PTPN21: variants seen among roughly 807,000 people sequenced by gnomAD.
The protein encoded by PTPN21 is protein tyrosine phosphatase non-receptor type 21.
Under a neutral mutation model 131.8 loss-of-function variants are expected in PTPN21, and 77 were observed. That is an observed-to-expected ratio of 0.58 (90% confidence interval 0.49 to 0.71). The LOEUF is 0.71. Ranked by LOEUF, PTPN21 falls within the 30% of genes least tolerant of loss-of-function variation. The pLI is 0.00. For synonymous variants in PTPN21, 715 were observed against 621.3 expected, an observed-to-expected ratio of 1.15 and a Z score of -2.24; for missense variants, 1,552 against 1,527.1, an observed-to-expected ratio of 1.02 and a Z score of -0.27.
rs1172099704 is a variant in PTPN21, at chr14:88,518,226, C to CAAA, written c.181-968_181-966dup. On this transcript the variant is annotated intron_variant, in intron 2 of 18. Coordinates refer to ENST00000556564, the MANE Select transcript of PTPN21 (RefSeq NM_007039.4). ...TGGGCAACAGAGTGAGAATCTACCT[C>CAAA]AAAAAAAAAAAAAAAAAAAAAAAAA... Among the ~76,000 whole-genome samples, 40 of 11,070 alleles carry CAAA rather than the reference C, an allele frequency of 3.6e-3. 5 individuals carry two copies. The highest frequency in any genetic ancestry group is 4.6e-3 in the South Asian group (1 of 216). 7.3% of individuals were successfully genotyped at this position (11,070 alleles called of 152,430 possible).
intron 2 of PTPN21, among the ~76,000 whole-genome samples, chr14:88,540,075 G>A (rs1345362231): frequency 6.6e-6 from 1 of 152,196 alleles, no homozygotes; most frequent in African/African-American, 2.4e-5. Flanking sequence ...ATTCTCAGCA[G>A]TGCAGCTCTG....
chr14:88,481,739 C>G (rs2077655597), intron 12 of PTPN21, among the ~76,000 whole-genome samples: 1 of 152,114 alleles, frequency 6.6e-6, no homozygotes, highest in Non-Finnish European at 1.5e-5. Context: ...CAAGATATGG[C>G]AGTTAAGGGG....
intron 10 of PTPN21, among the ~76,000 whole-genome samples, chr14:88,488,093 AC>A (rs1415426487): frequency 6.6e-6 from 1 of 152,158 alleles, no homozygotes; most frequent in African/African-American, 2.4e-5. Context: ...GGTCCTCTGA[AC>A]CCTGTGTTCA....
chr14:88,523,180 G>A (rs1219607104), intron 2 of PTPN21, among the ~76,000 whole-genome samples: 1 of 151,914 alleles, frequency 6.6e-6, no homozygotes, highest in African/African-American at 2.4e-5. Flanking sequence ...TGTAAATATA[G>A]ATGCAAAAAT....
Position 88,472,394 on chromosome 14 carries a change from C to A in PTPN21, c.2721G>T (p.Arg907=). The change falls in exon 15 of 19, where the codon CGG becomes CGT. Residue 907 remains arginine (R), a synonymous_variant. Coordinates refer to ENST00000556564, the MANE Select transcript of PTPN21 (RefSeq NM_007039.4). ...FTEYERILKK[R]LVDGECSTAR... is the part of the protein sequence containing the mutation. ...CTGTTGAGCACTCCCCATCAACTAGCCGTTTCTTAAGAATTCTTTCATATT... is the reference window on the plus strand; with the variant it reads ...CTGTTGAGCACTCCCCATCAACTAGACGTTTCTTAAGAATTCTTTCATATT... 6.2e-7 allele frequency: 1 copy of A among 1,614,042 alleles called. No homozygotes were observed. Among genetic ancestry groups the A allele is most frequent in the Non-Finnish European group, 8.5e-7 (1 of 1,179,952 alleles).
intron 11 of PTPN21, 79 bp downstream of exon 11, chr14:88,485,699 AAATT>A (rs1358549479): frequency 9.4e-7 from 1 of 1,067,020 alleles, no homozygotes; most frequent in Non-Finnish European, 1.4e-6. Context: ...TTCAAACTCA[AAATT>A]AACAGCATTG....
Position 88,501,144 on chromosome 14 carries a change from A to G in PTPN21, c.675+137T>C, listed in dbSNP as rs1160536172. The G allele has an allele frequency of 4.8e-5, 39 of 816,764 alleles. 1 individual carries two copies. Among genetic ancestry groups the G allele is most frequent in the Non-Finnish European group, 7.7e-5 (38 of 493,444 alleles). 50.6% of individuals were successfully genotyped at this position (816,764 alleles called of 1,614,324 possible). A position where few individuals can be genotyped will look rare whatever the true frequency, so the allele number is the denominator to read the frequency against. The stretch of plus-strand genomic sequence containing the variant: ...GTTTTACCACAAAACTTTGGTCACC[A>G]GGACCTCAGCTTTTAAGTTTCCAGA... On this transcript the variant is annotated intron_variant, in intron 7 of 18. Transcript: ENST00000556564.
intron 10 of PTPN21, among the ~76,000 whole-genome samples, chr14:88,489,465 C>A (rs2077789207): frequency 6.6e-6 from 1 of 151,782 alleles, no homozygotes; most frequent in Non-Finnish European, 1.5e-5. Flanking sequence ...CACAGCAAGA[C>A]CCCATCTCTA....
intron 3 of PTPN21, among the ~76,000 whole-genome samples, chr14:88,509,853 T>C (rs1448970460): frequency 6.6e-6 from 1 of 152,158 alleles, no homozygotes; most frequent in Non-Finnish European, 1.5e-5. Flanking sequence ...CTGGCCAACA[T>C]GGTGAAACCC....
chr14:88,519,591 G>A (rs981719277), intron 2 of PTPN21, among the ~76,000 whole-genome samples: 1 of 151,958 alleles, frequency 6.6e-6, no homozygotes, highest in Non-Finnish European at 1.5e-5. Flanking sequence ...AATTTGCAAG[G>A]GAAAAGATTA....
intron 2 of PTPN21, among the ~76,000 whole-genome samples, chr14:88,541,226 C>T (rs544183504): frequency 6.6e-6 from 1 of 152,280 alleles, no homozygotes; most frequent in Admixed American, 6.5e-5. Flanking sequence ...TACACAGTTT[C>T]TTCTAGTAAT....
intron 2 of PTPN21, among the ~76,000 whole-genome samples, chr14:88,532,702 G>C (rs945002208): frequency 2.0e-4 from 31 of 152,084 alleles, no homozygotes; most frequent in African/African-American, 7.0e-4. Context: ...CAAATTAAAG[G>C]AAAAGGGCTT....
chr14:88,467,455 G>A lies in PTPN21; in HGVS notation c.*682C>T, dbSNP rs2077382133. On this transcript the variant is annotated 3_prime_UTR_variant, in exon 19 of 19. Coordinates refer to ENST00000556564, the MANE Select transcript of PTPN21 (RefSeq NM_007039.4). Reference sequence around the variant, plus strand: ...AACTGACTCATTTCAGTATCTAAATGAATTGAGCTCTCATTTGAAAAACAG... The same window carrying A: ...AACTGACTCATTTCAGTATCTAAATAAATTGAGCTCTCATTTGAAAAACAG... 6.6e-6 allele frequency: 1 copy of A among 151,860 alleles called. No homozygotes were observed. The highest frequency in any genetic ancestry group is 1.5e-5 in the Non-Finnish European group (1 of 68,020). The allele number at this position is 151,860 out of a possible 1,614,324, so 9.4% of individuals were successfully genotyped here.
chr14:88,549,000 G>A (rs1200903683), intron 2 of PTPN21, among the ~76,000 whole-genome samples: 1 of 152,198 alleles, frequency 6.6e-6, no homozygotes, highest in African/African-American at 2.4e-5. Context: ...CTGGGGCTCA[G>A]AGATATCACA....
rs995854096 is a variant in PTPN21 at position 88,479,914 on chromosome 14, G to A, written c.1517C>T (p.Ala506Val). ...IREHAQLPSP[A>V]AAHCPFSLSY... ...CAGGCTGAACGGGCAGTGTGCGGCC[G>A]CTGGCGAGGGGAGCTGTGCGTGCTC... is the stretch of plus-strand genomic sequence containing the variant. The change falls in exon 13 of 19, where the codon GCG becomes GTG. Residue 506 changes from alanine to valine, a missense_variant. By Grantham distance (64) the Ala-to-Val change is moderately conservative (BLOSUM62 0). This residue lies in a region of PTPN21 where 1,016 missense variants were observed against 883.5 expected (regional missense o/e 1.15). Coordinates refer to ENST00000556564, the MANE Select transcript of PTPN21 (RefSeq NM_007039.4). 10 of 1,600,884 alleles carry A rather than the reference G, an allele frequency of 6.2e-6. No individual in the cohort carries two copies. The African/African-American group carries it at 9.3e-5, about 15-fold the overall frequency.
intron 2 of PTPN21, among the ~76,000 whole-genome samples, chr14:88,530,657 G>C (rs2139338658): frequency 6.6e-6 from 1 of 152,122 alleles, no homozygotes; most frequent in Admixed American, 6.6e-5. Flanking sequence ...GGGCGAATCA[G>C]GCTTTAAAGC....
intron 2 of PTPN21, among the ~76,000 whole-genome samples, chr14:88,547,228 ACT>A (rs751982936): frequency 5.9e-5 from 9 of 151,734 alleles, no homozygotes; most frequent in Non-Finnish European, 1.2e-4. Flanking sequence ...CAAGAAGCTG[ACT>A]CTCTAGGCGT....
intron 10 of PTPN21, among the ~76,000 whole-genome samples, chr14:88,489,778 A>C (rs1180098376): frequency 1.3e-5 from 2 of 152,118 alleles, no homozygotes; most frequent in African/African-American, 4.8e-5. Context: ...CTCCCAGCCT[A>C]CACTTGGGTA....
chr14:88,499,098 G>A (rs1371975283), intron 8 of PTPN21, among the ~76,000 whole-genome samples: 2 of 152,262 alleles, frequency 1.3e-5, no homozygotes, highest in South Asian at 4.1e-4. Flanking sequence ...TTCAGGTGAA[G>A]CCACGGATCC....
Sources: gnomAD v4.1 joint callset for allele counts (sites outside exome capture counted in the v4.1 genomes callset) on GRCh38, gnomAD v4.1.1 for gene constraint, gnomAD v4.1.1 regional missense constraint, MANE v1.5 for transcripts, NCBI Gene and HGNC (gene_info 2026-07-23, HGNC 2026-07-21) for gene names.